HS6ST3: variants seen among roughly 807,000 people sequenced by gnomAD.
HS6ST3 encodes the protein heparan-sulfate 6-O-sulfotransferase 3.
In HS6ST3, 12 loss-of-function variants were observed where a neutral mutation model predicts 36.7. The observed-to-expected ratio is 0.33, with a 90% confidence interval of 0.21 to 0.53. The LOEUF (loss-of-function observed/expected upper bound fraction) is 0.53. Ranked by LOEUF, HS6ST3 falls within the 20% of genes least tolerant of loss-of-function variation. The pLI, the probability that HS6ST3 is intolerant of heterozygous loss-of-function variation, is 0.95. For missense variants in HS6ST3, 584 were observed against 640.9 expected, an observed-to-expected ratio of 0.91 and a Z score of 0.96; for synonymous variants, 240 against 257.5, an observed-to-expected ratio of 0.93 and a Z score of 0.65.
chr13:96,349,240 A>G (rs931287118), intron 1 of HS6ST3, among the ~76,000 whole-genome samples: 6 of 152,202 alleles, frequency 3.9e-5, no homozygotes, highest in Non-Finnish European at 8.8e-5. Flanking sequence ...AAAGCAAAAC[A>G]ACTTGTTCTG....
At chr13:96,627,895 G>A (rs1325865371) in intron 1 of HS6ST3, among the ~76,000 whole-genome samples, 1 of 151,356 alleles carries the variant, frequency 6.6e-6, no homozygotes, top group Non-Finnish European at 1.5e-5. Context: ...CTCAGTTATT[G>A]TTTATTTGTA....
At chr13:96,768,113 C>A (rs905570984) in intron 1 of HS6ST3, among the ~76,000 whole-genome samples, 1 of 152,140 alleles carries the variant, frequency 6.6e-6, no homozygotes, top group Admixed American at 6.6e-5. Context: ...AAGACTCAAG[C>A]TCTTTTCAAG....
chr13:96,492,914 G>C (rs2055953831), intron 1 of HS6ST3, among the ~76,000 whole-genome samples: 1 of 152,120 alleles, frequency 6.6e-6, no homozygotes, highest in African/African-American at 2.4e-5. Context: ...GCCAAGTTGG[G>C]TGGCTGTTGA....
chr13:96,137,310 A>G (rs2054007364), intron 1 of HS6ST3, among the ~76,000 whole-genome samples: 1 of 152,062 alleles, frequency 6.6e-6, no homozygotes, highest in South Asian at 2.1e-4. Flanking sequence ...GAGGCTCATC[A>G]TCTATGTTAT....
In HS6ST3 at chr13:96,284,010, C is replaced by T. The variant is rs77361463; in HGVS notation, c.707+192441C>T. Among the ~76,000 whole-genome samples, 30 of 152,232 alleles carry T rather than the reference C, an allele frequency of 2.0e-4. No individual in the cohort carries two copies. The East Asian group carries it at 4.8e-3, about 25-fold the overall frequency. On this transcript the variant is annotated intron_variant, in intron 1 of 1. Transcript: ENST00000376705. ...AAATGCCAGCATACCTTCCTGAAAACGTACATTTTTGTTCCATTTGTTTCT... is the reference window on the plus strand; with the variant it reads ...AAATGCCAGCATACCTTCCTGAAAATGTACATTTTTGTTCCATTTGTTTCT...
intron 1 of HS6ST3, among the ~76,000 whole-genome samples, chr13:96,625,408 CATT>C (rs1470543244): frequency 6.6e-6 from 1 of 152,126 alleles, no homozygotes; most frequent in Admixed American, 6.5e-5. Context: ...GGCTCTAAGT[CATT>C]TACATGTCCA....
chr13:96,192,624 C>T (rs1357093580), intron 1 of HS6ST3, among the ~76,000 whole-genome samples: 1 of 145,984 alleles, frequency 6.9e-6, no homozygotes, highest in African/African-American at 2.5e-5. Flanking sequence ...ATATATATCA[C>T]ATTTTCTTTA....
At chr13:96,696,800 T>C (rs746623138) in intron 1 of HS6ST3, among the ~76,000 whole-genome samples, 23 of 152,150 alleles carry the variant, frequency 1.5e-4, no homozygotes, top group Non-Finnish European at 2.6e-4. Context: ...GAGTAAAGCC[T>C]GCCTCATTTG....
chr13:96,587,045 G>A (rs2056364328), intron 1 of HS6ST3, among the ~76,000 whole-genome samples: 1 of 152,116 alleles, frequency 6.6e-6, no homozygotes, highest in South Asian at 2.1e-4. Flanking sequence ...TTATTAAGGA[G>A]ACTTTCCTTT....
chr13:96,274,415 C>T (rs2054737412), intron 1 of HS6ST3, among the ~76,000 whole-genome samples: 1 of 151,972 alleles, frequency 6.6e-6, no homozygotes, highest in Admixed American at 6.6e-5. Flanking sequence ...GAGAGGATCA[C>T]CTTCAAGAAG....
intron 1 of HS6ST3, among the ~76,000 whole-genome samples, chr13:96,590,690 C>G (rs530894590): frequency 1.6e-4 from 25 of 152,052 alleles, no homozygotes; most frequent in Non-Finnish European, 3.2e-4. Flanking sequence ...AGCATTTTAA[C>G]TTGATGTGAT....
chr13:96,103,909 C>T (rs1159779648), intron 1 of HS6ST3, among the ~76,000 whole-genome samples: 4 of 150,944 alleles, frequency 2.6e-5, no homozygotes, highest in Non-Finnish European at 5.9e-5. Flanking sequence ...CATCAGGAAA[C>T]CTTTTTTCCT....
intron 1 of HS6ST3, among the ~76,000 whole-genome samples, chr13:96,360,806 G>T (rs2055234463): frequency 6.6e-6 from 1 of 151,982 alleles, no homozygotes. Flanking sequence ...AATTAGCCAG[G>T]TGTAGTGGTG....
chr13:96,276,951 C>G (rs1594740718), intron 1 of HS6ST3, among the ~76,000 whole-genome samples: 1 of 152,158 alleles, frequency 6.6e-6, no homozygotes, highest in East Asian at 1.9e-4. Context: ...GGCTAGAACT[C>G]CCTTCATGCT....
chr13:96,577,090 A>G (rs1269630604), intron 1 of HS6ST3, among the ~76,000 whole-genome samples: 2 of 151,908 alleles, frequency 1.3e-5, no homozygotes, highest in Non-Finnish European at 2.9e-5. Flanking sequence ...ATTGGTATAC[A>G]CATGCCATGG....
intron 1 of HS6ST3, among the ~76,000 whole-genome samples, chr13:96,477,498 C>T (rs940622141): frequency 1.1e-4 from 17 of 152,178 alleles, no homozygotes; most frequent in Non-Finnish European, 2.5e-4. Flanking sequence ...CATGCCTGCC[C>T]TACACCTTTG....
intron 1 of HS6ST3, among the ~76,000 whole-genome samples, chr13:96,586,442 T>G: frequency 6.6e-6 from 1 of 151,992 alleles, no homozygotes. Context: ...ACTACAGGCA[T>G]GCACCACCGT....
chr13:96,743,152 G>A (rs1004553501), intron 1 of HS6ST3, among the ~76,000 whole-genome samples: 5 of 152,082 alleles, frequency 3.3e-5, no homozygotes, highest in African/African-American at 1.2e-4. Context: ...GGATGATCAG[G>A]TTCCGTTTTT....
chr13:96,181,239 A>G (rs2054238423), intron 1 of HS6ST3, among the ~76,000 whole-genome samples: 1 of 152,218 alleles, frequency 6.6e-6, no homozygotes, highest in South Asian at 2.1e-4. Flanking sequence ...TTCATGGTAT[A>G]TTACAGACCT....
Sources: gnomAD v4.1 joint callset for allele counts (sites outside exome capture counted in the v4.1 genomes callset) on GRCh38, gnomAD v4.1.1 for gene constraint, MANE v1.5 for transcripts, NCBI Gene and HGNC (gene_info 2026-07-23, HGNC 2026-07-21) for gene names.